CDH13: variants seen among roughly 807,000 people sequenced by gnomAD.
CDH13 encodes cadherin 13.
CDH13 carries 24 observed loss-of-function variants against 63.8 expected under a neutral mutation model. The ratio of observed to expected loss-of-function variants is 0.38; its 90% CI spans 0.27 to 0.53. The LOEUF is 0.53. CDH13 is among the 20% of genes least tolerant of loss of function. The pLI, the probability that CDH13 is intolerant of heterozygous loss-of-function variation, is 0.85. For synonymous variants in CDH13, 503 were observed against 355.3 expected, an observed-to-expected ratio of 1.42 and a Z score of -4.67; for missense variants, 1,049 against 903.1, an observed-to-expected ratio of 1.16 and a Z score of -2.07.
chr16:83,264,177 C>T (rs889545416), intron 5 of CDH13, among the ~76,000 whole-genome samples: 1 of 152,158 alleles, frequency 6.6e-6, no homozygotes, highest in Non-Finnish European at 1.5e-5. Flanking sequence ...GCTGCCCAAC[C>T]CTGAATACAT....
chr16:83,644,465 C>G (rs1911602916), intron 8 of CDH13, among the ~76,000 whole-genome samples: 2 of 152,166 alleles, frequency 1.3e-5, no homozygotes, highest in African/African-American at 2.4e-5. Context: ...ATATGAAAGT[C>G]TTTGTAGGAT....
At chr16:83,750,820 G>A (rs1014329327) in intron 11 of CDH13, among the ~76,000 whole-genome samples, 6 of 152,286 alleles carry the variant, frequency 3.9e-5, no homozygotes, top group African/African-American at 1.4e-4. Context: ...CAGGCCTCCA[G>A]AACTGTAAGA....
chr16:83,085,705 G>T (rs1351407895), intron 3 of CDH13, among the ~76,000 whole-genome samples: 1 of 152,194 alleles, frequency 6.6e-6, no homozygotes, highest in African/African-American at 2.4e-5. Context: ...AGAAATAAAT[G>T]TTAGGGAGAT....
intron 10 of CDH13, among the ~76,000 whole-genome samples, chr16:83,713,248 G>C (rs1981865): frequency 0.16 from 24,906 of 152,126 alleles, 2,179 homozygotes; most frequent in East Asian, 0.29. Context: ...TGGACGCATT[G>C]ATAGATGACA....
At chr16:83,470,207 C>T (rs920748466) in intron 6 of CDH13, among the ~76,000 whole-genome samples, 2 of 152,112 alleles carry the variant, frequency 1.3e-5, no homozygotes, top group Non-Finnish European at 2.9e-5. Flanking sequence ...TGGTGTTTTT[C>T]TGTGTGTTTG....
At chr16:83,267,357 C>G (rs1423739455) in intron 5 of CDH13, among the ~76,000 whole-genome samples, 1 of 152,134 alleles carries the variant, frequency 6.6e-6, no homozygotes, top group Non-Finnish European at 1.5e-5. Flanking sequence ...CTAATTCACT[C>G]CATGTATGCA....
At chr16:83,527,815 CT>C (rs2074998630) in intron 7 of CDH13, among the ~76,000 whole-genome samples, 2 of 152,178 alleles carry the variant, frequency 1.3e-5, no homozygotes, top group African/African-American at 4.8e-5. Context: ...AAATTAAAGA[CT>C]TTTGAGATCA....
intron 4 of CDH13, among the ~76,000 whole-genome samples, chr16:83,168,826 C>T (rs750752553): frequency 3.9e-5 from 6 of 152,102 alleles, no homozygotes; most frequent in Non-Finnish European, 7.4e-5. Flanking sequence ...GGAATGTTCT[C>T]TTCATAAAGT....
At chr16:83,455,525 C>T (rs1471548084) in intron 6 of CDH13, among the ~76,000 whole-genome samples, 2 of 152,124 alleles carry the variant, frequency 1.3e-5, no homozygotes, top group East Asian at 3.9e-4. Flanking sequence ...TAGATATTTG[C>T]TTTTGTGTAT....
At chr16:83,692,749 G>T (rs1045890729) in intron 10 of CDH13, among the ~76,000 whole-genome samples, 1 of 152,108 alleles carries the variant, frequency 6.6e-6, no homozygotes, top group African/African-American at 2.4e-5. Flanking sequence ...CAGCTGCATG[G>T]GAAATGGCAG....
intron 7 of CDH13, among the ~76,000 whole-genome samples, chr16:83,545,586 C>T (rs1437045074): frequency 6.6e-6 from 1 of 152,148 alleles, no homozygotes; most frequent in Non-Finnish European, 1.5e-5. Context: ...TATTTTGTTG[C>T]AGTGATGGAA....
chr16:83,497,247 A>G (rs540183519), intron 7 of CDH13, among the ~76,000 whole-genome samples: 90 of 152,176 alleles, frequency 5.9e-4, no homozygotes, highest in African/African-American at 1.9e-3. Flanking sequence ...AATAGCAAAG[A>G]CTTGGAACCA....
intron 7 of CDH13, among the ~76,000 whole-genome samples, chr16:83,560,911 C>G (rs1321750244): frequency 2.0e-5 from 3 of 151,154 alleles, no homozygotes; most frequent in African/African-American, 7.3e-5. Context: ...CCCCCCCCCG[C>G]CCCAGGGGCT....
At position 83,623,314 on chromosome 16, in the gene CDH13, G is replaced by T. The variant is rs74646826; in HGVS notation, c.1101+20720G>T. Reference sequence around the variant, plus strand: ...AAATCACTCCCCAGTCACGATTAACGGGCTCTCTTTTCTTTCACTTGGGCC... The same window carrying T: ...AAATCACTCCCCAGTCACGATTAACTGGCTCTCTTTTCTTTCACTTGGGCC... On this transcript the variant is annotated intron_variant, in intron 8 of 13. Coordinates refer to ENST00000567109, the MANE Select transcript of CDH13 (RefSeq NM_001257.5). Among the ~76,000 whole-genome samples, 786 of 152,190 alleles carry T rather than the reference G, an allele frequency of 5.2e-3. 13 individuals carry two copies. Among genetic ancestry groups the T allele is most frequent in the African/African-American group, 0.018 (752 of 41,530 alleles).
At chr16:83,440,784 CAAAA>C (rs34731612) in intron 6 of CDH13, among the ~76,000 whole-genome samples, 43 of 123,544 alleles carry the variant, frequency 3.5e-4, no homozygotes, top group Admixed American at 8.9e-4. Flanking sequence ...GACTTCATCT[CAAAA>C]AAAAAAAAAA....
intron 2 of CDH13, among the ~76,000 whole-genome samples, chr16:83,021,713 A>G (rs913777013): frequency 2.0e-5 from 3 of 152,208 alleles, no homozygotes; most frequent in African/African-American, 7.2e-5. Flanking sequence ...TTTGTTCTGC[A>G]CTTACCAAAT....
At chr16:83,692,977 G>A (rs1905055334) in intron 10 of CDH13, among the ~76,000 whole-genome samples, 1 of 152,206 alleles carries the variant, frequency 6.6e-6, no homozygotes, top group Non-Finnish European at 1.5e-5. Context: ...CAGCTACTCA[G>A]GAGGCTGAGG....
chr16:83,237,338 G>A (rs963615062), intron 5 of CDH13, among the ~76,000 whole-genome samples: 23 of 152,172 alleles, frequency 1.5e-4, no homozygotes, highest in African/African-American at 4.1e-4. Flanking sequence ...TAGTGACCAC[G>A]AAACTAAGCT....
chr16:83,306,656 G>A (rs2089886841), intron 5 of CDH13, among the ~76,000 whole-genome samples: 1 of 152,108 alleles, frequency 6.6e-6, no homozygotes, highest in African/African-American at 2.4e-5. Context: ...ACTTTTATTT[G>A]ACTAGACTAT....
Sources: allele counts gnomAD v4.1 joint callset (sites outside exome capture counted in the v4.1 genomes callset), GRCh38; gene constraint gnomAD v4.1.1; transcripts MANE v1.5; gene names NCBI Gene and HGNC (gene_info 2026-07-23, HGNC 2026-07-21).